NCF2: variants seen among roughly 807,000 people sequenced by gnomAD.
NCF2 encodes the protein neutrophil cytosolic factor 2.
A neutral mutation model predicts 70.9 loss-of-function variants in NCF2; 45 were observed. The ratio of observed to expected loss-of-function variants is 0.63; its 90% CI spans 0.50 to 0.81. The LOEUF (loss-of-function observed/expected upper bound fraction) is 0.81, where lower values mean the gene tolerates loss of function less well. Among genes scored for constraint, NCF2 ranks in the 40% least tolerant of loss-of-function variants. The pLI is 0.00. For missense variants in NCF2, 522 were observed against 631.6 expected (o/e 0.83, Z 1.86); for synonymous variants, 203 against 233.6 (o/e 0.87, Z 1.19).
chr1:183,592,694 ACC>A (rs1344142623), upstream of NCF2, among the ~76,000 whole-genome samples: 85 of 152,330 alleles, frequency 5.6e-4, no homozygotes, highest in African/African-American at 1.9e-3. Context: ...TCCTGAGAAA[ACC>A]AAATGGATTT....
chr1:183,575,297 CTG>C (rs1672752007), intron 3 of NCF2, among the ~76,000 whole-genome samples: 10 of 152,232 alleles, frequency 6.6e-5, no homozygotes, highest in Non-Finnish European at 1.5e-4. Context: ...TGGAGAAACC[CTG>C]TCTCTACTAA....
At chr1:183,587,180 T>G (rs977322673) in intron 1 of NCF2, among the ~76,000 whole-genome samples, 1 of 152,236 alleles carries the variant, frequency 6.6e-6, no homozygotes, top group African/African-American at 2.4e-5. Flanking sequence ...GACAATGGTG[T>G]GCATTCCTTG....
At chr1:183,580,685 T>C (rs1417926953) in intron 2 of NCF2, among the ~76,000 whole-genome samples, 1 of 152,116 alleles carries the variant, frequency 6.6e-6, no homozygotes, top group Non-Finnish European at 1.5e-5. Flanking sequence ...CCCATCAAGA[T>C]GTCTACAGAG....
intron 2 of NCF2, among the ~76,000 whole-genome samples, chr1:183,578,735 G>A (rs1558101881): frequency 6.6e-6 from 1 of 152,168 alleles, no homozygotes; most frequent in African/African-American, 2.4e-5. Flanking sequence ...TGACTGGCTC[G>A]ATGTATACCA....
At chr1:183,585,485 C>T (rs1052888653) in intron 2 of NCF2, among the ~76,000 whole-genome samples, 6 of 151,918 alleles carry the variant, frequency 3.9e-5, no homozygotes, top group Admixed American at 2.0e-4. Context: ...ATTAGCTGGA[C>T]GTAGTGGCGG....
intron 2 of NCF2, among the ~76,000 whole-genome samples, chr1:183,584,936 C>G (rs1243288038): frequency 6.6e-6 from 1 of 152,102 alleles, no homozygotes; most frequent in Non-Finnish European, 1.5e-5. Context: ...ATAAATATGT[C>G]ACACTAAATA....
chr1:183,561,576 G>A (rs1222741033), intron 13 of NCF2, among the ~76,000 whole-genome samples: 1 of 152,010 alleles, frequency 6.6e-6, no homozygotes, highest in African/African-American at 2.4e-5. Context: ...TTAATGGTAA[G>A]TGTTCCTGCA....
intron 13 of NCF2, among the ~76,000 whole-genome samples, chr1:183,561,398 T>C (rs937585883): frequency 9.9e-5 from 15 of 152,156 alleles, no homozygotes; most frequent in African/African-American, 3.4e-4. Context: ...GCTTACCAGC[T>C]CTGTGTCCCT....
At chr1:183,583,179 A>G (rs932117821) in intron 2 of NCF2, among the ~76,000 whole-genome samples, 1 of 152,190 alleles carries the variant, frequency 6.6e-6, no homozygotes, top group East Asian at 1.9e-4. Context: ...CAGCGTCCCA[A>G]GTAGCTGGGA....
chr1:183,583,411 G>A (rs1572173710), intron 2 of NCF2, among the ~76,000 whole-genome samples: 1 of 152,202 alleles, frequency 6.6e-6, no homozygotes, highest in Admixed American at 6.5e-5. Flanking sequence ...CCCCCATCCC[G>A]CTTACTTAAA....
At position 183,570,777 on chromosome 1, in the gene NCF2, T is replaced by C. The variant is rs1361087036; in HGVS notation, c.669+3A>G. On this transcript the variant is annotated splice_donor_region_variant and intron_variant, in intron 6 of 14. Coordinates refer to ENST00000367535, the MANE Select transcript of NCF2 (RefSeq NM_000433.4). ...TCCATGGAGAAGGTCAGGACTGCCT[T>C]ACCTGTGGTTGCAGAGGGGCAAACC... The C allele has an allele frequency of 1.2e-6, 2 of 1,613,904 alleles. No homozygotes were observed. Among genetic ancestry groups the C allele is most frequent in the African/African-American group, 2.7e-5 (2 of 74,926 alleles).
chr1:183,600,496 G>A, the NCF2 span, among the ~76,000 whole-genome samples: 1 of 152,174 alleles, frequency 6.6e-6, no homozygotes, highest in Non-Finnish European at 1.5e-5. Context: ...TCTGTTCATA[G>A]CAACTATTAT....
the NCF2 span, among the ~76,000 whole-genome samples, chr1:183,601,189 C>T: frequency 6.6e-6 from 1 of 152,190 alleles, no homozygotes; most frequent in Non-Finnish European, 1.5e-5. Context: ...CCTCTGTCCC[C>T]TCCTCTTCTA....
At chr1:183,562,382 C>A (rs569819586) in intron 13 of NCF2, among the ~76,000 whole-genome samples, 4 of 152,214 alleles carry the variant, frequency 2.6e-5, no homozygotes, top group South Asian at 4.1e-4. Context: ...CAAGAGACCC[C>A]TTACACTCAC....
intron 2 of NCF2, among the ~76,000 whole-genome samples, chr1:183,580,394 G>T (rs984375753): frequency 3.3e-5 from 5 of 152,166 alleles, no homozygotes; most frequent in African/African-American, 1.2e-4. Context: ...GGGGTAACTA[G>T]CTTCAATTCA....
chr1:183,573,333 G>A, intron 4 of NCF2, 41 bp from the exon 5 acceptor site: 1 of 1,572,740 alleles, frequency 6.4e-7, no homozygotes, highest in Non-Finnish European at 8.8e-7. Flanking sequence ...TGTGAAAATG[G>A]GGGTGACGAT....
intron 2 of NCF2, among the ~76,000 whole-genome samples, chr1:183,582,826 G>A (rs1673175233): frequency 6.6e-6 from 1 of 152,190 alleles, no homozygotes; most frequent in African/African-American, 2.4e-5. Flanking sequence ...GTGCCTTTCA[G>A]ATGACAACGC....
At chr1:183,577,936 C>T (rs77904123) in intron 2 of NCF2, among the ~76,000 whole-genome samples, 25 of 152,318 alleles carry the variant, frequency 1.6e-4, no homozygotes, top group African/African-American at 5.3e-4. Context: ...CTGAGTGCCT[C>T]GTCTTGGACA....
At chr1:183,558,285 T>C (rs992496215) in intron 14 of NCF2, among the ~76,000 whole-genome samples, 4 of 152,006 alleles carry the variant, frequency 2.6e-5, no homozygotes, top group Admixed American at 6.5e-5. Context: ...GTTTTTTTTT[T>C]GAGACTGAGT....
Sources: gnomAD v4.1 joint callset for allele counts (sites outside exome capture counted in the v4.1 genomes callset) on GRCh38, gnomAD v4.1.1 for gene constraint, MANE v1.5 for transcripts, NCBI Gene and HGNC (gene_info 2026-07-23, HGNC 2026-07-21) for gene names.